Variants in GDPD4 observed in about 807,000 individuals in gnomAD.
The protein encoded by GDPD4 is glycerophosphodiester phosphodiesterase 6.
Under a neutral mutation model 67.8 loss-of-function variants are expected in GDPD4, and 60 were observed. That is an observed-to-expected ratio of 0.88 (90% CI 0.72 to 1.10). GDPD4 has a LOEUF of 1.10. Ranked by LOEUF, GDPD4 falls within the 50% of genes least tolerant of loss-of-function variation. GDPD4 has a pLI of 0.00. For missense variants in GDPD4, 623 were observed against 613.9 expected, an observed-to-expected ratio of 1.01 and a Z score of -0.16; for synonymous variants, 212 against 210.9, an observed-to-expected ratio of 1.00 and a Z score of -0.04.
chr11:77,271,109 G>T, intron 7 of GDPD4, 21 bp downstream of exon 7: 2 of 1,528,310 alleles, frequency 1.3e-6, no homozygotes, highest in Non-Finnish European at 1.8e-6. Flanking sequence ...AATAGGCAGG[G>T]TTCTGCCCTA....
chr11:77,289,461 C>G (rs1937690141), intron 1 of GDPD4, among the ~76,000 whole-genome samples: 1 of 148,418 alleles, frequency 6.7e-6, no homozygotes, highest in African/African-American at 2.5e-5. Context: ...GTGGCTTATG[C>G]CTGTAATCCC....
intron 7 of GDPD4, among the ~76,000 whole-genome samples, chr11:77,270,299 A>C (rs113648260): frequency 0.016 from 2,495 of 152,330 alleles, 21 homozygotes; most frequent in African/African-American, 0.026. Flanking sequence ...ATGAAGAGGA[A>C]ACCAGTGACA....
At chr11:77,219,112 G>A (rs1224503794) in intron 16 of GDPD4, among the ~76,000 whole-genome samples, 1 of 152,160 alleles carries the variant, frequency 6.6e-6, no homozygotes, top group East Asian at 1.9e-4. Context: ...ATCTCATTGT[G>A]GTTTTGTTTT....
chr11:77,264,511 C>G (rs538792940), intron 10 of GDPD4, among the ~76,000 whole-genome samples: 3 of 152,104 alleles, frequency 2.0e-5, no homozygotes, highest in South Asian at 2.1e-4. Context: ...GGAAGAAAAT[C>G]AGGAGAGTAT....
chr11:77,279,290 G>A lies in GDPD4; in HGVS notation c.147+16C>T, dbSNP rs1565540027. ...TACTCAGGAAGGGAGTGGAAGAAAT[G>A]AGAAGCATTACTCACCAACAGCAAT... On this transcript the variant is annotated intron_variant, in intron 4 of 16. Coordinates refer to ENST00000315938, the MANE Select transcript of GDPD4 (RefSeq NM_182833.3). The A allele has an allele frequency of 6.5e-7, 1 of 1,538,558 alleles. No individual in the cohort carries two copies. The highest frequency in any genetic ancestry group is 1.1e-5 in the South Asian group (1 of 89,600).
rs1959192249 is a variant in GDPD4, at chr11:77,268,957, C to T, written c.591G>A (p.Lys197=). ...CACCTCTATGTCCAAAGATGGTTGG[C>T]TTGGGCCCCAAATTCTCCTTCTCCT... ...CIQEKENLGP[K]PTIFGHRGAP... is the part of the protein sequence containing the mutation. The change falls in exon 9 of 17, where the codon AAG becomes AAA. Residue 197 remains lysine (K), a synonymous_variant. Transcript: ENST00000315938. 1 of 1,614,022 alleles carries T rather than the reference C, an allele frequency of 6.2e-7. No individual in the cohort carries two copies. The highest frequency in any genetic ancestry group is 1.3e-5 in the African/African-American group (1 of 74,934).
intron 16 of GDPD4, among the ~76,000 whole-genome samples, chr11:77,223,096 C>CTGTT (rs1203597416): frequency 2.6e-5 from 4 of 152,196 alleles, no homozygotes; most frequent in African/African-American, 7.2e-5. Flanking sequence ...CTTCTCTACA[C>CTGTT]TGTTTATTCT....
intron 1 of GDPD4, among the ~76,000 whole-genome samples, chr11:77,295,560 G>A (rs202160999): frequency 2.0e-5 from 3 of 152,066 alleles, no homozygotes; most frequent in East Asian, 3.9e-4. Context: ...TGAGCTGGGA[G>A]GTTGAGGCTG....
intron 10 of GDPD4, among the ~76,000 whole-genome samples, chr11:77,264,568 T>G (rs1192747055): frequency 6.6e-6 from 1 of 152,182 alleles, no homozygotes; most frequent in Admixed American, 6.5e-5. Flanking sequence ...AATGAAGGAC[T>G]TCTCAAATGC....
chr11:77,267,994 T>C (rs1368871060), intron 10 of GDPD4, among the ~76,000 whole-genome samples: 1 of 152,152 alleles, frequency 6.6e-6, no homozygotes, highest in African/African-American at 2.4e-5. Flanking sequence ...TGGAAGGCTC[T>C]TGCCACAAAT....
At chr11:77,271,051 C>G (rs990997427) in intron 7 of GDPD4, 79 bp downstream of exon 7, 2 of 986,458 alleles carry the variant, frequency 2.0e-6, no homozygotes, top group Non-Finnish European at 3.2e-6. Context: ...AGTTCCCAAG[C>G]TTCTGTTTTC....
In GDPD4 at chr11:77,271,304, C is replaced by G; in HGVS notation, c.297G>C (p.Leu99=). 3.1e-6 allele frequency: 5 copies of G among 1,612,988 alleles called. No homozygotes were observed. Among genetic ancestry groups the G allele is most frequent in the Non-Finnish European group, 4.2e-6 (5 of 1,178,956 alleles). ...FWKERWLVAG[L]SMQIFAPYVH... is the part of the protein sequence containing the mutation. ...ATAGGATGATGCTTACCTGCATTGA[C>G]AGCCCAGCTACCAGCCACCTTTCTT... Residue 99 remains leucine, a synonymous_variant, in exon 6 of 17, where the codon CTG becomes CTC. Transcript: ENST00000315938.
intron 1 of GDPD4, among the ~76,000 whole-genome samples, chr11:77,299,424 TCTA>T (rs1419628269): frequency 2.6e-5 from 4 of 152,178 alleles, no homozygotes; most frequent in Non-Finnish European, 5.9e-5. Context: ...TCTATTGCAC[TCTA>T]CTTTTTTTCT....
chr11:77,252,066 T>TTG (rs1437819690), intron 11 of GDPD4, among the ~76,000 whole-genome samples: 1,859 of 29,958 alleles, frequency 0.062, 20 homozygotes, highest in Non-Finnish European at 0.12. Flanking sequence ...TTTTTTTTTG[T>TTG]TTTTTTTTTT....
In GDPD4 at chr11:77,243,806, C is replaced by T. The variant is rs1451048684; in HGVS notation, c.1129G>A (p.Val377Met). Reference protein sequence around the residue: ...PAHDRQYVRSVAPGFQHVGRL... With the variant: ...PAHDRQYVRSMAPGFQHVGRL... ...CCCACATGCTGAAAACCAGGAGCCA[C>T]GGACCTGACGTATTGCCTATCATGA... is the stretch of plus-strand genomic sequence containing the variant. The change falls in exon 13 of 17, where the codon GTG becomes ATG. Residue 377 changes from valine to methionine, a missense_variant. Val to Met is a conservative substitution (Grantham distance 21). Coordinates refer to ENST00000315938, the MANE Select transcript of GDPD4 (RefSeq NM_182833.3). The T allele has an allele frequency of 4.3e-6, 7 of 1,613,642 alleles. No individual in the cohort carries two copies. The highest frequency in any genetic ancestry group is 5.9e-6 in the Non-Finnish European group (7 of 1,179,740).
intron 1 of GDPD4, among the ~76,000 whole-genome samples, chr11:77,294,149 G>A (rs1428769304): frequency 1.3e-5 from 2 of 152,132 alleles, no homozygotes; most frequent in Admixed American, 1.3e-4. Flanking sequence ...ACATGAATGG[G>A]AAAACTGGTG....
At chr11:77,262,259 T>A (rs1959133910) in intron 10 of GDPD4, among the ~76,000 whole-genome samples, 1 of 152,198 alleles carries the variant, frequency 6.6e-6, no homozygotes, top group Non-Finnish European at 1.5e-5. Flanking sequence ...CAAAGCAGTT[T>A]CATTCCTCAA....
chr11:77,241,744 A>T (rs1321357025), intron 13 of GDPD4, among the ~76,000 whole-genome samples: 1 of 151,664 alleles, frequency 6.6e-6, no homozygotes, highest in Admixed American at 6.6e-5. Flanking sequence ...AGAGATCGAG[A>T]CCATCCTGGC....
intron 16 of GDPD4, among the ~76,000 whole-genome samples, chr11:77,226,677 T>G (rs1476472539): frequency 1.3e-5 from 2 of 152,158 alleles, no homozygotes; most frequent in African/African-American, 2.4e-5. Flanking sequence ...AATCATAAAC[T>G]AGCTGCAATC....
Sources: gnomAD v4.1 joint callset for allele counts (sites outside exome capture counted in the v4.1 genomes callset) on GRCh38, gnomAD v4.1.1 for gene constraint, MANE v1.5 for transcripts, NCBI Gene and HGNC (gene_info 2026-07-23, HGNC 2026-07-21) for gene names.